The following CHAC2 variants were observed in gnomAD, a reference collection of about 807,000 sequenced individuals.
The protein encoded by CHAC2 is ChaC glutathione specific gamma-glutamylcyclotransferase 2.
In CHAC2, 20 loss-of-function variants were observed where a neutral mutation model predicts 16.9. The ratio of observed to expected loss-of-function variants is 1.18; its 90% CI spans 0.83 to 1.72. The LOEUF (loss-of-function observed/expected upper bound fraction) is 1.72. CHAC2 is among the 40% of genes most tolerant of loss of function. The pLI, the probability that CHAC2 is intolerant of heterozygous loss-of-function variation, is 0.00. For synonymous variants in CHAC2, 91 were observed against 77.3 expected (o/e 1.18, Z -0.93); for missense variants, 269 against 222.2 (o/e 1.21, Z -1.34).
Position 53,774,598 on chromosome 2 carries a change from A to G in CHAC2, c.*73A>G. 8.8e-7 allele frequency: 1 copy of G among 1,132,308 alleles called. No homozygotes were observed. The highest frequency in any genetic ancestry group is 1.2e-6 in the Non-Finnish European group (1 of 810,282). The allele number at this position is 1,132,308 out of a possible 1,614,324, so 70.1% of individuals were successfully genotyped here. A position where few individuals can be genotyped will look rare whatever the true frequency, so the allele number is the denominator to read the frequency against. ...GGAAATACGTTTACTTAAAGATCTT[A>G]TTTTTAATGTAGTGAGGATATTATT... On this transcript the variant is annotated 3_prime_UTR_variant, in exon 3 of 3. Transcript: ENST00000295304.
chr2:53,772,269 G>A (rs1441388631), intron 2 of CHAC2, among the ~76,000 whole-genome samples: 11 of 152,028 alleles, frequency 7.2e-5, no homozygotes, highest in Non-Finnish European at 1.5e-4. Context: ...CCGCCTCCCG[G>A]GTTCACGCCA....
chr2:53,772,261 G>A (rs966789291), intron 2 of CHAC2, among the ~76,000 whole-genome samples: 3 of 151,878 alleles, frequency 2.0e-5, no homozygotes, highest in Non-Finnish European at 4.4e-5. Flanking sequence ...TGCAAGCTCC[G>A]CCTCCCGGGT....
At chr2:53,772,391 G>A (rs1388988386) in intron 2 of CHAC2, among the ~76,000 whole-genome samples, 1 of 151,982 alleles carries the variant, frequency 6.6e-6, no homozygotes, top group Admixed American at 6.6e-5. Flanking sequence ...AGCCAGGATG[G>A]TCTCAATCTC....
At chr2:53,768,753 A>C (rs6737681) in intron 1 of CHAC2, among the ~76,000 whole-genome samples, 15,874 of 152,180 alleles carry the variant, frequency 0.1, 1,076 homozygotes, top group Non-Finnish European at 0.15. Context: ...CTTTTCAGTC[A>C]GTCCTACAAA....
chr2:53,773,663 T>A (rs528155393), intron 2 of CHAC2, among the ~76,000 whole-genome samples: 43 of 151,794 alleles, frequency 2.8e-4, no homozygotes, highest in Admixed American at 5.2e-4. Context: ...ACTCCTGACC[T>A]CGTGATCCAC....
At position 53,774,177 on chromosome 2, in the gene CHAC2, A is replaced by G; in HGVS notation, c.207A>G (p.Val69=). ...GGGGTGTTGCTTACAGATTGCCAGTAGGAAAGGAAGAAGAAGTAAAAGCAT... is the reference window on the plus strand; with the variant it reads ...GGGGTGTTGCTTACAGATTGCCAGTGGGAAAGGAAGAAGAAGTAAAAGCAT... The part of the protein sequence containing the change: ...CVWGVAYRLP[V]GKEEEVKAYL... The change falls in exon 3 of 3, where the codon GTA becomes GTG. Residue 69 remains valine, a synonymous_variant. Coordinates refer to ENST00000295304, the MANE Select transcript of CHAC2 (RefSeq NM_001008708.4). 1.2e-6 allele frequency: 2 copies of G among 1,612,264 alleles called. No individual in the cohort carries two copies. Among genetic ancestry groups the G allele is most frequent in the Non-Finnish European group, 8.5e-7 (1 of 1,179,288 alleles).
chr2:53,767,881 G>A lies in CHAC2; in HGVS notation c.-6G>A, dbSNP rs773371237. 2.5e-6 allele frequency: 4 copies of A among 1,606,004 alleles called. No individual in the cohort carries two copies. In the South Asian group the frequency reaches 3.3e-5, roughly 13 times the overall value. Reference sequence around the variant, plus strand: ...ACGGCCACTGGGGCAGAGGAGCCGCGAGAAGATGTGGGTTTTTGGTTACGG... The same window carrying A: ...ACGGCCACTGGGGCAGAGGAGCCGCAAGAAGATGTGGGTTTTTGGTTACGG... On this transcript the variant is annotated 5_prime_UTR_variant, in exon 1 of 3. Transcript: ENST00000295304.
At chr2:53,772,060 C>A in intron 2 of CHAC2, 118 bp downstream of exon 2, 1 of 638,362 alleles carries the variant, frequency 1.6e-6, no homozygotes, top group Non-Finnish European at 2.6e-6. Context: ...ATTTAGAATT[C>A]TTCTCTGTAT....
intron 1 of CHAC2, among the ~76,000 whole-genome samples, chr2:53,769,720 C>CCAGTAGAGT (rs1171567859): frequency 6.6e-6 from 1 of 152,206 alleles, no homozygotes; most frequent in East Asian, 1.9e-4. Context: ...GTGGCGCACG[C>CCAGTAGAGT]CAGTAGAGTC....
At position 53,774,650 on chromosome 2, in the gene CHAC2, C is replaced by A; in HGVS notation, c.*125C>A. The A allele has an allele frequency of 3.0e-6, 2 of 672,152 alleles. No homozygotes were observed. Among genetic ancestry groups the A allele is most frequent in the South Asian group, 3.5e-5 (1 of 28,320 alleles). The allele number at this position is 672,152 out of a possible 1,614,324, so 41.6% of individuals were successfully genotyped here. ...AAACTTTTATTTTAACTGGAAATGT[C>A]CTGAAACACATATTTAAAATATTGG... is the stretch of plus-strand genomic sequence containing the variant. On this transcript the variant is annotated 3_prime_UTR_variant, in exon 3 of 3. Transcript: ENST00000295304.
At chr2:53,772,169 G>A (rs1351333845) in intron 2 of CHAC2, among the ~76,000 whole-genome samples, 1 of 147,258 alleles carries the variant, frequency 6.8e-6, no homozygotes. Context: ...ATAGCATGTA[G>A]TTTTCGTTTT....
At chr2:53,771,280 C>T (rs764532211) in intron 1 of CHAC2, among the ~76,000 whole-genome samples, 15 of 152,216 alleles carry the variant, frequency 9.9e-5, no homozygotes, top group South Asian at 6.2e-4. Flanking sequence ...TTTGGGAGGC[C>T]GAGACGGGTG....
chr2:53,774,581 G>A lies in CHAC2; in HGVS notation c.*56G>A, dbSNP rs926423585. 28 of 1,277,974 alleles carry A rather than the reference G, an allele frequency of 2.2e-5. No individual in the cohort carries two copies. Among genetic ancestry groups the A allele is most frequent in the Admixed American group, 5.3e-5 (2 of 37,740 alleles). The allele number at this position is 1,277,974 out of a possible 1,614,324, so 79.2% of individuals were successfully genotyped here. A position where few individuals can be genotyped will look rare whatever the true frequency, so the allele number is the denominator to read the frequency against. The stretch of plus-strand genomic sequence containing the variant: ...CAATGACAATATGATTTGGAAATAC[G>A]TTTACTTAAAGATCTTATTTTTAAT... On this transcript the variant is annotated 3_prime_UTR_variant, in exon 3 of 3. Transcript: ENST00000295304.
intron 1 of CHAC2, among the ~76,000 whole-genome samples, chr2:53,771,322 C>A (rs995259938): frequency 6.6e-6 from 1 of 152,116 alleles, no homozygotes; most frequent in Non-Finnish European, 1.5e-5. Flanking sequence ...CCATACCAGC[C>A]TGGCCAACAT....
chr2:53,770,609 T>A (rs1429412017), intron 1 of CHAC2, among the ~76,000 whole-genome samples: 2 of 151,264 alleles, frequency 1.3e-5, no homozygotes, highest in African/African-American at 4.9e-5. Context: ...TTTCCATTTA[T>A]AAGCAAAGAC....
intron 1 of CHAC2, among the ~76,000 whole-genome samples, chr2:53,769,967 C>G (rs1673780715): frequency 6.6e-6 from 1 of 152,190 alleles, no homozygotes; most frequent in Admixed American, 6.5e-5. Flanking sequence ...AGTTTGCATT[C>G]TAGAATGACA....
chr2:53,773,513 C>T (rs1215179508), intron 2 of CHAC2, among the ~76,000 whole-genome samples: 2 of 152,098 alleles, frequency 1.3e-5, no homozygotes, highest in African/African-American at 4.8e-5. Flanking sequence ...TCACTGCCAC[C>T]TCTGCCACCC....
rs7586453 is a variant in CHAC2 at position 53,775,131 on chromosome 2, G to T, written c.*606G>T. On this transcript the variant is annotated 3_prime_UTR_variant, in exon 3 of 3. Transcript: ENST00000295304. ...TGTACCTCTTCTTTTTTAAATAAAG[G>T]CATTTTACTATATGGAAAATAACTC... The T allele has an allele frequency of 1.3e-5, 2 of 152,276 alleles. No homozygotes were observed. The highest frequency in any genetic ancestry group is 4.8e-5 in the African/African-American group (2 of 41,330). 9.4% of individuals were successfully genotyped at this position (152,276 alleles called of 1,614,324 possible). A position where few individuals can be genotyped will look rare whatever the true frequency, so the allele number is the denominator to read the frequency against.
chr2:53,769,333 T>A (rs1673725512), intron 1 of CHAC2, among the ~76,000 whole-genome samples: 1 of 152,228 alleles, frequency 6.6e-6, no homozygotes, highest in African/African-American at 2.4e-5. Flanking sequence ...TTGATATGAA[T>A]ATTTAAAATT....
Sources: allele counts gnomAD v4.1 joint callset (sites outside exome capture counted in the v4.1 genomes callset), GRCh38; gene constraint gnomAD v4.1.1; transcripts MANE v1.5; gene names NCBI Gene and HGNC (gene_info 2026-07-23, HGNC 2026-07-21).